Variants in GPHN observed in about 807,000 individuals in gnomAD.
GPHN encodes gephyrin.
Under a neutral mutation model 95.5 loss-of-function variants are expected in GPHN, and 17 were observed. The ratio of observed to expected loss-of-function variants is 0.18; its 90% confidence interval spans 0.12 to 0.27. The LOEUF is 0.27. Among genes scored for constraint, GPHN ranks in the 10% least tolerant of loss-of-function variants. GPHN has a pLI of 1.00. For synonymous variants in GPHN, 320 were observed against 322.5 expected, an observed-to-expected ratio of 0.99 and a Z score of 0.08; for missense variants, 660 against 978.1, an observed-to-expected ratio of 0.67 and a Z score of 4.34.
At chr14:67,732,447 C>T in the GPHN span, among the ~76,000 whole-genome samples, 1 of 146,610 alleles carries the variant, frequency 6.8e-6, no homozygotes, top group Non-Finnish European at 1.5e-5. Flanking sequence ...AAAAAAAAAT[C>T]CTCCTCAAAC....
the GPHN span, among the ~76,000 whole-genome samples, chr14:67,307,459 TATTG>T: frequency 6.6e-6 from 1 of 152,210 alleles, no homozygotes; most frequent in African/African-American, 2.4e-5. Flanking sequence ...ATTAACAGAT[TATTG>T]ATTGTTTAAT....
At chr14:66,904,874 A>G (rs754139284) in intron 5 of GPHN, among the ~76,000 whole-genome samples, 38 of 152,024 alleles carry the variant, frequency 2.5e-4, no homozygotes, top group Non-Finnish European at 4.7e-4. Context: ...ATGACCTCTG[A>G]TTGATTATTG....
chr14:66,516,990 C>T (rs1292913467), intron 1 of GPHN, among the ~76,000 whole-genome samples: 3 of 151,726 alleles, frequency 2.0e-5, no homozygotes, highest in African/African-American at 7.3e-5. Flanking sequence ...ATTAGGCAGG[C>T]ATGGTGGTGT....
chr14:67,231,017 G>A, the GPHN span, among the ~76,000 whole-genome samples: 10 of 152,144 alleles, frequency 6.6e-5, no homozygotes, highest in African/African-American at 2.2e-4. Context: ...TAGCCTTCTC[G>A]ATGATCAGAT....
At chr14:66,578,961 C>T (rs907632954) in intron 1 of GPHN, among the ~76,000 whole-genome samples, 2 of 151,650 alleles carry the variant, frequency 1.3e-5, no homozygotes, top group African/African-American at 4.8e-5. Flanking sequence ...GTGTGTAAAT[C>T]AATTATATCT....
chr14:67,530,203 C>T, the GPHN span, among the ~76,000 whole-genome samples: 1 of 152,292 alleles, frequency 6.6e-6, no homozygotes, highest in African/African-American at 2.4e-5. Context: ...CAAAAGCTTC[C>T]ATTTATAGAT....
At chr14:66,673,532 C>A (rs1327012075) in intron 1 of GPHN, among the ~76,000 whole-genome samples, 2 of 152,192 alleles carry the variant, frequency 1.3e-5, no homozygotes, top group Non-Finnish European at 2.9e-5. Context: ...TACTGGAATT[C>A]ATTTAACTTT....
the GPHN span, among the ~76,000 whole-genome samples, chr14:67,289,688 A>G: frequency 2.0e-5 from 3 of 152,090 alleles, no homozygotes; most frequent in Non-Finnish European, 2.9e-5. Flanking sequence ...TACAAGATAA[A>G]TAAGAGTCAG....
intron 10 of GPHN, among the ~76,000 whole-genome samples, chr14:67,041,587 T>C (rs1054597574): frequency 6.7e-4 from 102 of 152,332 alleles, no homozygotes; most frequent in African/African-American, 2.3e-3. Flanking sequence ...ATGGTGTATA[T>C]GTGCCACATT....
chr14:67,635,867 A>G, the GPHN span, among the ~76,000 whole-genome samples: 1 of 152,040 alleles, frequency 6.6e-6, no homozygotes, highest in Non-Finnish European at 1.5e-5. Context: ...AATTTTTTTT[A>G]AATTTTAAAT....
At chr14:67,273,655 G>A in the GPHN span, among the ~76,000 whole-genome samples, 151 of 152,258 alleles carry the variant, frequency 9.9e-4, 1 homozygote, top group Middle Eastern at 0.017. Context: ...GGATGGCTGG[G>A]TCAAATGGTA....
intron 21 of GPHN, 120 bp downstream of exon 21, chr14:67,169,156 T>C (rs2082448259): frequency 2.7e-6 from 2 of 730,220 alleles, no homozygotes; most frequent in Non-Finnish European, 4.9e-6. Flanking sequence ...GAAAATGTGA[T>C]TATATTCTCC....
At chr14:67,147,455 A>C (rs2080965646) in intron 18 of GPHN, among the ~76,000 whole-genome samples, 1 of 152,256 alleles carries the variant, frequency 6.6e-6, no homozygotes, top group African/African-American at 2.4e-5. Context: ...AATAGAAGAT[A>C]AGTGACATTC....
the GPHN span, chr14:67,392,791 C>T: frequency 1.5e-5 from 25 of 1,613,598 alleles, no homozygotes; most frequent in East Asian, 3.6e-4. Flanking sequence ...CCAGGGTCAC[C>T]GCCTCCAGAC....
intron 18 of GPHN, among the ~76,000 whole-genome samples, chr14:67,144,253 A>ATATACATATATATATG (rs2080727414): frequency 8.6e-5 from 4 of 46,440 alleles, no homozygotes; most frequent in Non-Finnish European, 1.6e-4. Flanking sequence ...AAAAAAAAAT[A>ATATACATATATATATG]TATATATATA....
intron 2 of GPHN, among the ~76,000 whole-genome samples, chr14:66,757,507 A>G (rs541890461): frequency 3.9e-5 from 6 of 152,280 alleles, no homozygotes; most frequent in Admixed American, 3.9e-4. Flanking sequence ...CTCCTGCCTT[A>G]GCCTCCCGAG....
intron 20 of GPHN, among the ~76,000 whole-genome samples, chr14:67,166,172 T>C (rs2082265798): frequency 6.6e-6 from 1 of 152,216 alleles, no homozygotes; most frequent in African/African-American, 2.4e-5. Context: ...TAAGCCCCTA[T>C]CTATAAGCAT....
the GPHN span, chr14:67,691,173 C>T: frequency 6.2e-7 from 1 of 1,614,068 alleles, no homozygotes; most frequent in Admixed American, 1.7e-5. Context: ...ATCTCAAAGC[C>T]ATCTGCTGTC....
the GPHN span, among the ~76,000 whole-genome samples, chr14:67,531,532 C>T: frequency 1.3e-4 from 20 of 151,956 alleles, no homozygotes; most frequent in Non-Finnish European, 2.5e-4. Flanking sequence ...CTGCCCTCTA[C>T]AGAAGTAACC....
Sources: allele counts gnomAD v4.1 joint callset (sites outside exome capture counted in the v4.1 genomes callset), GRCh38; gene constraint gnomAD v4.1.1; transcripts MANE v1.5; gene names NCBI Gene and HGNC (gene_info 2026-07-23, HGNC 2026-07-21).